Variants in LYPD6B observed in about 807,000 individuals in gnomAD.
The protein encoded by LYPD6B is ly6/PLAUR domain-containing protein 6B.
In LYPD6B, 17 loss-of-function variants were observed where a neutral mutation model predicts 22.8. The observed-to-expected ratio is 0.75, with a 90% CI of 0.51 to 1.12. LYPD6B has a LOEUF of 1.12. LYPD6B is among the 50% of genes most tolerant of loss of function. The probability of loss-of-function intolerance (pLI) is 0.00; values close to 1 mark genes in which losing one functional copy is unlikely to be tolerated. For synonymous variants in LYPD6B, 106 were observed against 91.6 expected (o/e 1.16, Z -0.90); for missense variants, 221 against 258.3 (o/e 0.86, Z 0.99).
intron 1 of LYPD6B, among the ~76,000 whole-genome samples, chr2:149,044,911 G>T (rs1683241731): frequency 6.6e-6 from 1 of 151,948 alleles, no homozygotes. Context: ...TGCACTGATT[G>T]ATTTTCAAAT....
At chr2:149,065,797 C>T (rs1381079449) in intron 1 of LYPD6B, among the ~76,000 whole-genome samples, 1 of 152,194 alleles carries the variant, frequency 6.6e-6, no homozygotes, top group Non-Finnish European at 1.5e-5. Flanking sequence ...CAATCTCCAC[C>T]TCCCAGGCTC....
chr2:149,200,740 G>A (rs1266931719), intron 3 of LYPD6B: 1 of 152,204 alleles, frequency 6.6e-6, no homozygotes, highest in Non-Finnish European at 1.5e-5. Flanking sequence ...ATAGGCCAAA[G>A]TCTCAGGTGG....
At chr2:149,158,248 T>C (rs373539672) in intron 2 of LYPD6B, among the ~76,000 whole-genome samples, 8 of 152,316 alleles carry the variant, frequency 5.3e-5, no homozygotes, top group African/African-American at 1.7e-4. Flanking sequence ...GTAAGTACTC[T>C]ATAATTACTC....
chr2:149,062,281 C>G (rs765452879), intron 1 of LYPD6B, among the ~76,000 whole-genome samples: 2 of 152,202 alleles, frequency 1.3e-5, no homozygotes, highest in Non-Finnish European at 2.9e-5. Context: ...GCCACCGCGC[C>G]CGGCAGAATC....
chr2:149,120,784 C>CTTT (rs567231544), intron 1 of LYPD6B, among the ~76,000 whole-genome samples: 22,080 of 94,836 alleles, frequency 0.23, 3,886 homozygotes, highest in Non-Finnish European at 0.26. Context: ...GCTACAAAGT[C>CTTT]TTTTTTTTTT....
intron 3 of LYPD6B, among the ~76,000 whole-genome samples, chr2:149,179,648 CCTG>C (rs2105980186): frequency 6.6e-6 from 1 of 152,296 alleles, no homozygotes; most frequent in East Asian, 1.9e-4. Flanking sequence ...TTCGCAGAGA[CCTG>C]CTAATTCATA....
chr2:149,173,609 A>T (rs1311224062), intron 3 of LYPD6B, among the ~76,000 whole-genome samples: 1 of 152,154 alleles, frequency 6.6e-6, no homozygotes, highest in Non-Finnish European at 1.5e-5. Context: ...TTCCCTAAGG[A>T]TAGAATATTC....
At chr2:149,163,518 C>G (rs1015135369) in intron 3 of LYPD6B, among the ~76,000 whole-genome samples, 8 of 152,160 alleles carry the variant, frequency 5.3e-5, no homozygotes, top group Admixed American at 4.6e-4. Context: ...GGCTGTCCAG[C>G]TTATCAAATA....
chr2:149,077,017 C>A (rs1328529306), intron 1 of LYPD6B, among the ~76,000 whole-genome samples: 1 of 152,162 alleles, frequency 6.6e-6, no homozygotes, highest in Admixed American at 6.5e-5. Context: ...GGGTTTGTAG[C>A]CCCGCAGCCC....
At chr2:149,183,652 A>G (rs1047459728) in intron 3 of LYPD6B, among the ~76,000 whole-genome samples, 1 of 152,134 alleles carries the variant, frequency 6.6e-6, no homozygotes, top group East Asian at 1.9e-4. Flanking sequence ...CATTGTCCCT[A>G]TAGCAACGGC....
chr2:149,062,964 C>T (rs1161765844), intron 1 of LYPD6B, among the ~76,000 whole-genome samples: 9 of 148,668 alleles, frequency 6.1e-5, no homozygotes, highest in African/African-American at 7.4e-5. Context: ...AAGCAAGGCT[C>T]GGTAAAGAAG....
chr2:149,075,725 G>A (rs1684851412), intron 1 of LYPD6B, among the ~76,000 whole-genome samples: 1 of 152,104 alleles, frequency 6.6e-6, no homozygotes, highest in South Asian at 2.1e-4. Flanking sequence ...GTATAAAGTT[G>A]GTCATATGAC....
intron 2 of LYPD6B, among the ~76,000 whole-genome samples, chr2:149,156,934 G>T (rs1177871935): frequency 6.6e-6 from 1 of 152,320 alleles, no homozygotes; most frequent in Middle Eastern, 3.4e-3. Context: ...TTTAGGGGAA[G>T]TGGGGGTGTG....
chr2:149,059,460 T>C (rs1044267540), intron 1 of LYPD6B, among the ~76,000 whole-genome samples: 1 of 152,188 alleles, frequency 6.6e-6, no homozygotes, highest in Non-Finnish European at 1.5e-5. Context: ...GAGGAAACCG[T>C]TACGAAAGAA....
intron 1 of LYPD6B, among the ~76,000 whole-genome samples, chr2:149,060,016 G>A (rs1684001072): frequency 1.3e-5 from 2 of 152,072 alleles, no homozygotes; most frequent in African/African-American, 2.4e-5. Flanking sequence ...GGGAGGGGTA[G>A]GGAGGGAGAA....
At chr2:149,118,245 C>T (rs1385122907) in intron 1 of LYPD6B, 1 of 152,222 alleles carries the variant, frequency 6.6e-6, no homozygotes, top group Non-Finnish European at 1.5e-5. Context: ...GGGACCACCA[C>T]TACCGAGGCT....
intron 1 of LYPD6B, among the ~76,000 whole-genome samples, chr2:149,103,771 CTTTTTTTTTTTT>C (rs56739458): frequency 2.7e-5 from 2 of 74,324 alleles, no homozygotes; most frequent in Non-Finnish European, 4.7e-5. Flanking sequence ...TTGTGCATAT[CTTTTTTTTTTTT>C]TTTTTTTTTT....
rs1240708789 is a variant in LYPD6B, at chr2:149,038,757, A to AG, written c.-110dup. On this transcript the variant is annotated 5_prime_UTR_variant, in exon 1 of 7. Transcript: ENST00000409642. ...GGGTGCGCTGGGAGCCTGGGCCGGGAGCCGGGTGAGGGCGCCGAGAGGCTC... is the reference window on the plus strand; with the variant it reads ...GGGTGCGCTGGGAGCCTGGGCCGGGAGGCCGGGTGAGGGCGCCGAGAGGCTC... 6.0e-5 allele frequency: 9 copies of AG among 150,574 alleles called. No individual in the cohort carries two copies. The highest frequency in any genetic ancestry group is 1.2e-4 in the Non-Finnish European group (8 of 67,766). 9.3% of individuals were successfully genotyped at this position (150,574 alleles called of 1,614,324 possible).
At chr2:149,187,465 T>A in intron 3 of LYPD6B, 1 of 1,524,354 alleles carries the variant, frequency 6.6e-7, no homozygotes, top group South Asian at 1.2e-5. Flanking sequence ...AGAATCACAG[T>A]AAACCAAACA....
Sources: allele counts gnomAD v4.1 joint callset (sites outside exome capture counted in the v4.1 genomes callset), GRCh38; gene constraint gnomAD v4.1.1; transcripts MANE v1.5; gene names NCBI Gene and HGNC (gene_info 2026-07-23, HGNC 2026-07-21).